The following SCAF4 variants were observed in gnomAD, a reference collection of about 807,000 sequenced individuals.
SCAF4 encodes the protein SR-related CTD associated factor 4.
SCAF4 carries 25 observed loss-of-function variants against 129.8 expected under a neutral mutation model. The ratio of observed to expected loss-of-function variants is 0.19; its 90% CI spans 0.14 to 0.27. The LOEUF (loss-of-function observed/expected upper bound fraction) is 0.27, where lower values mean the gene tolerates loss of function less well. SCAF4 is among the 10% of genes least tolerant of loss of function. The pLI is 1.00. For missense variants in SCAF4, 1,246 were observed against 1,457.1 expected (o/e 0.86, Z 2.36); for synonymous variants, 551 against 497.7 (o/e 1.11, Z -1.43).
At chr21:31,717,900 T>TATATACAC (rs1284843174) in intron 1 of SCAF4, among the ~76,000 whole-genome samples, 5 of 78,648 alleles carry the variant, frequency 6.4e-5, no homozygotes, top group African/African-American at 2.3e-4. Context: ...TATATACACA[T>TATATACAC]ATATACACAC....
intron 1 of SCAF4, among the ~76,000 whole-genome samples, chr21:31,716,406 A>G (rs2050920523): frequency 6.6e-6 from 1 of 152,150 alleles, no homozygotes; most frequent in South Asian, 2.1e-4. Context: ...ATGACAGGCT[A>G]GTATTCAAAT....
rs1037044101 is a variant in SCAF4 at position 31,696,342 on chromosome 21, C to G, written c.960-121G>C. The G allele has an allele frequency of 8.3e-5, 61 of 731,500 alleles. 1 individual carries two copies. The highest frequency in any genetic ancestry group is 4.5e-4 in the Admixed American group (15 of 33,444). 45.3% of individuals were successfully genotyped at this position (731,500 alleles called of 1,614,324 possible). ...ACATTTTACTGAACCATATATTTAC[C>G]TATATATTAAATTTAATTTATAAAC... is the stretch of plus-strand genomic sequence containing the variant. On this transcript the variant is annotated intron_variant, in intron 8 of 19. Transcript: ENST00000286835.
At chr21:31,697,821 CTT>C (rs1412114816) in intron 7 of SCAF4, among the ~76,000 whole-genome samples, 1 of 152,194 alleles carries the variant, frequency 6.6e-6, no homozygotes, top group Non-Finnish European at 1.5e-5. Flanking sequence ...ATAGAGCTAA[CTT>C]ATGTTTCTTT....
At chr21:31,676,887 C>T (rs949110905) in intron 19 of SCAF4, among the ~76,000 whole-genome samples, 4 of 152,054 alleles carry the variant, frequency 2.6e-5, no homozygotes, top group Non-Finnish European at 5.9e-5. Flanking sequence ...CCCAAGCAAC[C>T]ACATAATGTT....
At chr21:31,694,444 T>TG (rs978540032) in intron 10 of SCAF4, among the ~76,000 whole-genome samples, 155 bp from the exon 11 acceptor site, 19 of 151,784 alleles carry the variant, frequency 1.3e-4, no homozygotes, top group African/African-American at 4.4e-4. Context: ...TGGCCATCAC[T>TG]GGGAAAAAAA....
chr21:31,694,880 A>G lies in SCAF4; in HGVS notation c.1169T>C (p.Val390Ala). The G allele has an allele frequency of 6.2e-7, 1 of 1,614,196 alleles. No individual in the cohort carries two copies. Among genetic ancestry groups the G allele is most frequent in the Non-Finnish European group, 8.5e-7 (1 of 1,180,008 alleles). ...AAAAGAAGCTTGGAAAGGCTGCTGC[A>G]CTGGTGGAGTTGGAGGAATCACAGG... is the stretch of plus-strand genomic sequence containing the variant. The part of the protein sequence containing the change: ...AQPVIPPTPP[V>A]QQPFQASFQA... The change falls in exon 10 of 20, where the codon GTG becomes GCG. Residue 390 changes from valine to alanine, a missense_variant. Transcript: ENST00000286835.
At chr21:31,721,820 A>G (rs989973661) in intron 1 of SCAF4, among the ~76,000 whole-genome samples, 10 of 141,544 alleles carry the variant, frequency 7.1e-5, no homozygotes, top group Admixed American at 1.6e-4. Flanking sequence ...TCCACCTCCC[A>G]GGTTCAAGTG....
intron 1 of SCAF4, among the ~76,000 whole-genome samples, chr21:31,727,521 G>A (rs552959670): frequency 3.9e-5 from 6 of 152,278 alleles, no homozygotes; most frequent in Non-Finnish European, 7.4e-5. Context: ...CTGGCTGGGC[G>A]CAGTGGCTCA....
At chr21:31,677,378 A>G (rs183769711) in intron 19 of SCAF4, among the ~76,000 whole-genome samples, 2 of 152,228 alleles carry the variant, frequency 1.3e-5, no homozygotes, top group African/African-American at 4.8e-5. Context: ...ACAAAAATTA[A>G]AAACTCCCTC....
chr21:31,699,770 A>G (rs892880401), intron 7 of SCAF4, among the ~76,000 whole-genome samples: 1 of 152,200 alleles, frequency 6.6e-6, no homozygotes, highest in African/African-American at 2.4e-5. Flanking sequence ...TGAAAACTGA[A>G]AAGTCAAATG....
At chr21:31,706,416 A>G in intron 1 of SCAF4, 59 bp from the exon 2 acceptor site, 1 of 1,124,970 alleles carries the variant, frequency 8.9e-7, no homozygotes, top group Non-Finnish European at 1.3e-6. Flanking sequence ...GTAAATAAGC[A>G]CCTTTCCTAC....
At position 31,711,535 on chromosome 21, in the gene SCAF4, T is replaced by C. The variant is rs370828650; in HGVS notation, c.31-5178A>G. ...AGATGTTATCATTCCATTTTACAGA[T>C]GATAGCACTGAGGCTCAACAATCTG... is the stretch of plus-strand genomic sequence containing the variant. On this transcript the variant is annotated intron_variant, in intron 1 of 19. Transcript: ENST00000286835. Among the ~76,000 whole-genome samples, 24 of 152,354 alleles carry C rather than the reference T, an allele frequency of 1.6e-4. 1 individual carries two copies. In the South Asian group the frequency reaches 5.0e-3, roughly 32 times the overall value.
chr21:31,688,564 A>G, intron 15 of SCAF4, 100 bp from the exon 16 acceptor site: 1 of 911,618 alleles, frequency 1.1e-6, no homozygotes, highest in Non-Finnish European at 1.7e-6. Context: ...TAGCCCAGTT[A>G]TTAAAGAAAT....
At chr21:31,696,063 G>A (rs774862377) in intron 9 of SCAF4, 50 bp downstream of exon 9, 26 of 1,332,616 alleles carry the variant, frequency 2.0e-5, no homozygotes, top group South Asian at 6.0e-5. Flanking sequence ...CAAACCATAC[G>A]CTCTATAATG....
chr21:31,685,520 T>C, intron 17 of SCAF4, 36 bp from the exon 18 acceptor site: 1 of 1,613,578 alleles, frequency 6.2e-7, no homozygotes, highest in Non-Finnish European at 8.5e-7. Flanking sequence ...TTATGCTGTA[T>C]CACTCCATCG....
At chr21:31,688,626 C>T (rs1230784556) in intron 15 of SCAF4, among the ~76,000 whole-genome samples, 162 bp from the exon 16 acceptor site, 1 of 152,132 alleles carries the variant, frequency 6.6e-6, no homozygotes, top group Non-Finnish European at 1.5e-5. Flanking sequence ...ACAATAGAAA[C>T]ATGTAAAAGA....
At chr21:31,675,922 G>C (rs556500333) in intron 19 of SCAF4, among the ~76,000 whole-genome samples, 155 of 152,248 alleles carry the variant, frequency 1.0e-3, no homozygotes, top group Non-Finnish European at 1.8e-3. Flanking sequence ...TTCATAGTTG[G>C]AGTCCAACGT....
At chr21:31,724,668 G>A (rs761924148) in intron 1 of SCAF4, among the ~76,000 whole-genome samples, 3 of 152,060 alleles carry the variant, frequency 2.0e-5, no homozygotes, top group Non-Finnish European at 1.5e-5. Flanking sequence ...ATTTGTTCGT[G>A]CCCCATGACA....
intron 1 of SCAF4, 111 bp downstream of exon 1, chr21:31,731,552 G>A: frequency 1.5e-6 from 2 of 1,313,424 alleles, no homozygotes; most frequent in East Asian, 2.7e-5. Flanking sequence ...CCCGGAACCG[G>A]GGCAGGAAGC....
Sources: allele counts gnomAD v4.1 joint callset (sites outside exome capture counted in the v4.1 genomes callset), GRCh38; gene constraint gnomAD v4.1.1; transcripts MANE v1.5; gene names NCBI Gene and HGNC (gene_info 2026-07-23, HGNC 2026-07-21).